SSH2: variants seen among roughly 807,000 people sequenced by gnomAD.
SSH2 encodes slingshot protein phosphatase 2, also known as protein phosphatase Slingshot homolog 2.
A neutral mutation model predicts 135.2 loss-of-function variants in SSH2; 37 were observed. The ratio of observed to expected loss-of-function variants is 0.27; its 90% CI spans 0.21 to 0.36. The LOEUF is 0.36. Ranked by LOEUF, SSH2 falls within the 10% of genes least tolerant of loss-of-function variation. The probability of loss-of-function intolerance (pLI) is 1.00; values close to 1 mark genes in which losing one functional copy is unlikely to be tolerated. For missense variants in SSH2, 1,408 were observed against 1,765.3 expected (o/e 0.80, Z 3.63); for synonymous variants, 628 against 646.2 (o/e 0.97, Z 0.43).
chr17:29,850,432 A>G (rs1482406386), intron 1 of SSH2, among the ~76,000 whole-genome samples: 1 of 152,142 alleles, frequency 6.6e-6, no homozygotes, highest in Non-Finnish European at 1.5e-5. Context: ...TCCTACTTTA[A>G]TTTTTCACAG....
intron 1 of SSH2, among the ~76,000 whole-genome samples, chr17:29,851,887 A>G (rs962142169): frequency 1.3e-5 from 2 of 152,084 alleles, no homozygotes; most frequent in Non-Finnish European, 1.5e-5. Flanking sequence ...AACAAAACAG[A>G]CCTGAAGAGA....
chr17:29,769,803 G>C (rs1025307848), intron 3 of SSH2, among the ~76,000 whole-genome samples: 3 of 152,112 alleles, frequency 2.0e-5, no homozygotes, highest in Non-Finnish European at 4.4e-5. Flanking sequence ...ACTAAATTCA[G>C]TTTGACTAAT....
chr17:29,678,180 G>A (rs1463588988), intron 6 of SSH2, among the ~76,000 whole-genome samples: 1 of 149,604 alleles, frequency 6.7e-6, no homozygotes, highest in Non-Finnish European at 1.5e-5. Context: ...TGAAACCTCT[G>A]CCTCCCAGGT....
chr17:29,779,247 TATAAA>T (rs1349174494), intron 3 of SSH2, among the ~76,000 whole-genome samples: 1 of 152,058 alleles, frequency 6.6e-6, no homozygotes, highest in East Asian at 1.9e-4. Flanking sequence ...ATCAGATAAA[TATAAA>T]ATAGTGTCTG....
intron 3 of SSH2, among the ~76,000 whole-genome samples, chr17:29,719,366 G>T (rs1021894869): frequency 6.6e-6 from 1 of 151,980 alleles, no homozygotes; most frequent in Non-Finnish European, 1.5e-5. Context: ...AGGAGTTTGG[G>T]CCCGGTGTGG....
chr17:29,900,637 T>A (rs1449574415), intron 1 of SSH2, among the ~76,000 whole-genome samples: 1 of 152,164 alleles, frequency 6.6e-6, no homozygotes, highest in Non-Finnish European at 1.5e-5. Flanking sequence ...CAACAGGTGC[T>A]GGAGAGGATG....
intron 8 of SSH2, chr17:29,676,586 G>A: frequency 2.1e-6 from 1 of 467,062 alleles, no homozygotes; most frequent in Non-Finnish European, 3.9e-6. Context: ...CTCTGCCAGA[G>A]CCTAAGAATA....
At chr17:29,657,570 C>CTTTTTTTTT in intron 11 of SSH2, among the ~76,000 whole-genome samples, 1 of 90,920 alleles carries the variant, frequency 1.1e-5, no homozygotes, top group East Asian at 4.1e-4. Context: ...TGCCCGGCTA[C>CTTTTTTTTT]TTTGTTTTTT....
At chr17:29,787,477 AG>A (rs1190486655) in intron 3 of SSH2, 2 of 152,178 alleles carry the variant, frequency 1.3e-5, no homozygotes, top group East Asian at 3.8e-4. Flanking sequence ...CAATTCTTTT[AG>A]GTATCTACCC....
chr17:29,743,764 T>C (rs759710575), intron 3 of SSH2, among the ~76,000 whole-genome samples: 4 of 152,276 alleles, frequency 2.6e-5, no homozygotes, highest in Non-Finnish European at 4.4e-5. Context: ...ACTTTTAATT[T>C]TGAAAAAAAT....
chr17:29,887,744 C>T (rs953519629), intron 1 of SSH2, among the ~76,000 whole-genome samples: 1 of 152,144 alleles, frequency 6.6e-6, no homozygotes, highest in Non-Finnish European at 1.5e-5. Flanking sequence ...AACAGAGCTA[C>T]TTTTAAATGG....
At chr17:29,686,679 G>GT (rs1164112298) in intron 5 of SSH2, among the ~76,000 whole-genome samples, 1 of 143,374 alleles carries the variant, frequency 7.0e-6, no homozygotes, top group Non-Finnish European at 1.5e-5. Context: ...TTTTCTTTTT[G>GT]TTTTTTTGAG....
rs1308896101 is a variant in SSH2, at chr17:29,695,501, T to C, written c.315A>G (p.Gln105=). 3 of 1,613,016 alleles carry C rather than the reference T, an allele frequency of 1.9e-6. No homozygotes were observed. Among genetic ancestry groups the C allele is most frequent in the African/African-American group, 2.7e-5 (2 of 74,982 alleles). ...CTGGGCGGAGTAAAATGAACATTGC[T>C]TGGAGATGCTGTTGGAGATCGCCTG... The part of the protein sequence containing the change: ...KHAGDLQQHL[Q]AMFILLRPED... The change falls in exon 5 of 16, where the codon CAA becomes CAG. Residue 105 remains glutamine, a synonymous_variant. Coordinates refer to ENST00000540801, the MANE Select transcript of SSH2 (RefSeq NM_001282129.2).
chr17:29,840,704 T>C (rs1171506424), intron 2 of SSH2, among the ~76,000 whole-genome samples: 1 of 152,210 alleles, frequency 6.6e-6, no homozygotes, highest in Non-Finnish European at 1.5e-5. Flanking sequence ...CTTGACTCTG[T>C]TGAAGAGCTG....
intron 2 of SSH2, among the ~76,000 whole-genome samples, chr17:29,801,882 T>C (rs1461580150): frequency 3.3e-5 from 5 of 152,212 alleles, no homozygotes; most frequent in Non-Finnish European, 7.3e-5. Context: ...GCCAGTTACA[T>C]TTTAGCCTTA....
chr17:29,870,446 A>G (rs2065920762), intron 1 of SSH2, among the ~76,000 whole-genome samples: 1 of 152,354 alleles, frequency 6.6e-6, no homozygotes, highest in Admixed American at 6.5e-5. Context: ...GTACGAAAGT[A>G]GAGGATGACT....
chr17:29,707,412 T>C (rs2039249740), intron 3 of SSH2, among the ~76,000 whole-genome samples: 1 of 152,152 alleles, frequency 6.6e-6, no homozygotes, highest in Non-Finnish European at 1.5e-5. Context: ...AACTCACATA[T>C]AGTATAAATA....
At position 29,772,735 on chromosome 17, in the gene SSH2, T is replaced by C. The variant is rs1226524953; in HGVS notation, c.188+21159A>G. Among the ~76,000 whole-genome samples the C allele has an allele frequency of 1.9e-4, 29 of 152,076 alleles. 1 individual carries two copies. Among genetic ancestry groups the C allele is most frequent in the Admixed American group, 1.9e-3 (29 of 15,254 alleles). ...AAGCTTTCCTCTCTCCTCCTGGAGC[T>C]AGGATACTCTTCTCCTCCTGCCTTT... On this transcript the variant is annotated intron_variant, in intron 3 of 15. Transcript: ENST00000540801.
chr17:29,860,946 T>G (rs112521013), intron 1 of SSH2, among the ~76,000 whole-genome samples: 9,502 of 152,078 alleles, frequency 0.062, 557 homozygotes, highest in African/African-American at 0.16. Flanking sequence ...GGTTTCACCA[T>G]GTTGGCCAGG....
Sources: allele counts gnomAD v4.1 joint callset (sites outside exome capture counted in the v4.1 genomes callset), GRCh38; gene constraint gnomAD v4.1.1; transcripts MANE v1.5; gene names NCBI Gene and HGNC (gene_info 2026-07-23, HGNC 2026-07-21).